The following C14orf39 variants were observed in gnomAD, a reference collection of about 807,000 sequenced individuals.
The protein encoded by C14orf39 is chromosome 14 open reading frame 39.
A neutral mutation model predicts 85.6 loss-of-function variants in C14orf39; 66 were observed. The observed-to-expected ratio is 0.77, with a 90% confidence interval of 0.63 to 0.95. The LOEUF is 0.95. C14orf39 is among the 40% of genes least tolerant of loss of function. The probability of loss-of-function intolerance (pLI) is 0.00; values close to 1 mark genes in which losing one functional copy is unlikely to be tolerated. For missense variants in C14orf39, 735 were observed against 663.9 expected, an observed-to-expected ratio of 1.11 and a Z score of -1.18; for synonymous variants, 242 against 214.0, an observed-to-expected ratio of 1.13 and a Z score of -1.14.
intron 9 of C14orf39, among the ~76,000 whole-genome samples, chr14:60,467,785 T>C (rs1891868146): frequency 6.6e-6 from 1 of 151,690 alleles, no homozygotes; most frequent in South Asian, 2.1e-4. Flanking sequence ...GAAGAATGTG[T>C]TGAAAAATCA....
At chr14:60,496,043 T>C (rs1447021533) in intron 2 of C14orf39, 21 of 748,522 alleles carry the variant, frequency 2.8e-5, no homozygotes, top group Non-Finnish European at 4.5e-5. Flanking sequence ...TGGCATGAGG[T>C]AGCTTGGCTT....
intron 5 of C14orf39, among the ~76,000 whole-genome samples, chr14:60,472,081 T>G (rs1162826125): frequency 6.6e-6 from 1 of 152,066 alleles, no homozygotes; most frequent in Non-Finnish European, 1.5e-5. Flanking sequence ...CTGCAGAACC[T>G]GGTTCTTCTG....
chr14:60,470,454 CAA>C (rs1224639039), intron 7 of C14orf39, among the ~76,000 whole-genome samples: 1 of 151,846 alleles, frequency 6.6e-6, no homozygotes. Flanking sequence ...CTATTATTAT[CAA>C]GTTTCCATTA....
intron 16 of C14orf39, among the ~76,000 whole-genome samples, chr14:60,443,849 G>GCTGTTCTGCAATATTTA (rs2140026594): frequency 6.6e-6 from 1 of 152,322 alleles, no homozygotes; most frequent in South Asian, 2.1e-4. Flanking sequence ...AGCAATATTT[G>GCTGTTCTGCAATATTTA]CTGTTCTGCA....
intron 2 of C14orf39, among the ~76,000 whole-genome samples, chr14:60,492,246 C>G (rs183592538): frequency 1.5e-4 from 23 of 152,280 alleles, no homozygotes; most frequent in African/African-American, 4.8e-4. Context: ...CTTCTCCACC[C>G]TAAAGTTATG....
chr14:60,469,786 A>G (rs1349436241), intron 7 of C14orf39, 133 bp from the exon 8 acceptor site: 1 of 420,658 alleles, frequency 2.4e-6, no homozygotes, highest in East Asian at 4.4e-5. Context: ...AATATTAAAA[A>G]CAGTATCTGA....
chr14:60,464,292 G>C (rs1401929134), intron 11 of C14orf39, among the ~76,000 whole-genome samples: 1 of 152,146 alleles, frequency 6.6e-6, no homozygotes, highest in African/African-American at 2.4e-5. Context: ...GATGCTATCA[G>C]TCCTGAATCT....
At chr14:60,487,492 C>CGTGTGTGTGTGTGT (rs1308228152), upstream of C14orf39, among the ~76,000 whole-genome samples, 664 of 150,244 alleles carry the variant, frequency 4.4e-3, 3 homozygotes, top group African/African-American at 9.0e-3. Flanking sequence ...AATAAAAGTC[C>CGTGTGTGTGTGTGT]GTGTGTGTGT....
At chr14:60,437,413 G>A (rs1477779535) in intron 17 of C14orf39, among the ~76,000 whole-genome samples, 1 of 151,990 alleles carries the variant, frequency 6.6e-6, no homozygotes, top group Non-Finnish European at 1.5e-5. Flanking sequence ...AGCAGGAGCA[G>A]TGAGAAATAA....
rs1347694850 is a variant in C14orf39 at position 60,471,479 on chromosome 14, C to T, written c.512-20G>A. The T allele has an allele frequency of 1.9e-6, 3 of 1,592,220 alleles. No homozygotes were observed. The South Asian group carries it at 3.4e-5, about 18-fold the overall frequency. ...CAGGCACTGAAAAATAAAGTCACAG[C>T]ATAAGCTGATTATTATATTCTTTTC... On this transcript the variant is annotated intron_variant, in intron 6 of 17. Coordinates refer to ENST00000321731, the MANE Select transcript of C14orf39 (RefSeq NM_174978.3).
intron 1 of C14orf39, among the ~76,000 whole-genome samples, chr14:60,507,345 C>T (rs1893218124): frequency 6.6e-6 from 1 of 152,184 alleles, no homozygotes; most frequent in Admixed American, 6.5e-5. Flanking sequence ...CCTGCGTGTT[C>T]GGGGCCCTTG....
At chr14:60,466,085 C>A in intron 10 of C14orf39, 30 bp from the exon 11 acceptor site, 4 of 1,119,612 alleles carry the variant, frequency 3.6e-6, no homozygotes, top group South Asian at 3.5e-5. Flanking sequence ...TACTTTAAAT[C>A]AATGCTGGAA....
intron 2 of C14orf39, chr14:60,496,025 AG>A: frequency 1.6e-6 from 1 of 624,476 alleles, no homozygotes; most frequent in Non-Finnish European, 2.8e-6. Flanking sequence ...TAGTTGTGAA[AG>A]GGATTTTGGC....
Position 60,501,306 on chromosome 14 carries a change from C to CAAA in C14orf39, c.-143-1879_-143-1877dup, listed in dbSNP as rs66800067. Among the ~76,000 whole-genome samples, 110 of 105,502 alleles carry CAAA rather than the reference C, an allele frequency of 1.0e-3. 3 individuals carry two copies. The highest frequency in any genetic ancestry group is 3.0e-3 in the African/African-American group (77 of 25,812). The allele number at this position is 105,502 out of a possible 152,430, so 69.2% of individuals were successfully genotyped here. ...GGGCAACAGAGCAAGACCCTGTCTCCAAAAAAAAAAAAAAAAAAAGCAATC... is the reference window on the plus strand; with the variant it reads ...GGGCAACAGAGCAAGACCCTGTCTCCAAAAAAAAAAAAAAAAAAAAAAGCAATC... On this transcript the variant is annotated intron_variant, in intron 1 of 5. Coordinates refer to the C14orf39 transcript ENST00000556799.
At chr14:60,456,149 C>T (rs774042271) in intron 15 of C14orf39, among the ~76,000 whole-genome samples, 33 of 151,858 alleles carry the variant, frequency 2.2e-4, no homozygotes, top group Non-Finnish European at 3.7e-4. Context: ...GTGAATTCTG[C>T]TTGACATATG....
chr14:60,456,588 G>A (rs974944606), intron 15 of C14orf39, among the ~76,000 whole-genome samples: 28 of 151,828 alleles, frequency 1.8e-4, no homozygotes, highest in African/African-American at 5.5e-4. Flanking sequence ...TTTATCCTTT[G>A]GAAAAATCTC....
rs1204687458 is a variant in C14orf39, at chr14:60,484,873, C to G, written c.106+8G>C. 1.9e-6 allele frequency: 3 copies of G among 1,547,864 alleles called. No homozygotes were observed. Among genetic ancestry groups the G allele is most frequent in the Non-Finnish European group, 2.6e-6 (3 of 1,134,720 alleles). On this transcript the variant is annotated splice_region_variant and intron_variant, in intron 3 of 17. Coordinates refer to ENST00000321731, the MANE Select transcript of C14orf39 (RefSeq NM_174978.3). This position sits in a 1 kb window ranked among gnomAD's most constrained non-coding sequence, Gnocchi z 4.2. ...ACTAAAATATCTTGATCATGCAAAG[C>G]TACTTACTATTAATTCTTTGAATCA...
In C14orf39 at chr14:60,509,583, T is replaced by G; in HGVS notation, c.-144+5812A>C. ...CTACGCGCACGAGCCATCGTGGCCT[T>G]TCACGGTGGCAACTACCGCGAGCTC... On this transcript the variant is annotated intron_variant, in intron 1 of 5. Transcript: ENST00000556799. 5.0e-6 allele frequency: 8 copies of G among 1,613,166 alleles called. No individual in the cohort carries two copies. Among genetic ancestry groups the G allele is most frequent in the Non-Finnish European group, 6.8e-6 (8 of 1,180,018 alleles).
intron 1 of C14orf39, among the ~76,000 whole-genome samples, chr14:60,503,720 A>C (rs1284964041): frequency 6.6e-6 from 1 of 152,220 alleles, no homozygotes; most frequent in Non-Finnish European, 1.5e-5. Flanking sequence ...AGATATTTAC[A>C]AGCTTTATAA....
Sources: gnomAD v4.1 joint callset for allele counts (sites outside exome capture counted in the v4.1 genomes callset) on GRCh38, gnomAD v4.1.1 for gene constraint, Gnocchi (gnomAD v3.1) non-coding constraint, MANE v1.5 for transcripts, NCBI Gene and HGNC (gene_info 2026-07-23, HGNC 2026-07-21) for gene names.